Variants in RTTN observed in about 807,000 individuals in gnomAD.
RTTN encodes rotatin.
Under a neutral mutation model 269.2 loss-of-function variants are expected in RTTN, and 182 were observed. That is an observed-to-expected ratio of 0.68 (90% CI 0.60 to 0.76). The LOEUF (loss-of-function observed/expected upper bound fraction) is 0.76, where lower values mean the gene tolerates loss of function less well. Ranked by LOEUF, RTTN falls within the 30% of genes least tolerant of loss-of-function variation. The probability of loss-of-function intolerance (pLI) is 0.00; values close to 1 mark genes in which losing one functional copy is unlikely to be tolerated. For synonymous variants in RTTN, 1,006 were observed against 963.5 expected (o/e 1.04, Z -0.82); for missense variants, 2,545 against 2,608.6 (o/e 0.98, Z 0.53).
At chr18:70,020,920 A>G in intron 44 of RTTN, 103 bp from the exon 45 acceptor site, 1 of 935,756 alleles carries the variant, frequency 1.1e-6, no homozygotes, top group Non-Finnish European at 1.6e-6. Context: ...TGACTAGGCC[A>G]TTAACCTGTG....
At chr18:70,069,137 A>G (rs1269889619) in intron 34 of RTTN, among the ~76,000 whole-genome samples, 2 of 151,440 alleles carry the variant, frequency 1.3e-5, no homozygotes, top group African/African-American at 4.9e-5. Context: ...TAGCATGGTG[A>G]ATATGGTTAA....
intron 11 of RTTN, among the ~76,000 whole-genome samples, chr18:70,171,893 G>A (rs538637934): frequency 3.3e-4 from 51 of 152,288 alleles, no homozygotes; most frequent in African/African-American, 1.2e-3. Flanking sequence ...GAACATTACC[G>A]TTTGAAAAGC....
chr18:70,174,064 G>A (rs962182865), intron 11 of RTTN, among the ~76,000 whole-genome samples: 2 of 151,760 alleles, frequency 1.3e-5, no homozygotes, highest in East Asian at 1.9e-4. Context: ...CTGTTATGGG[G>A]GTGGTCACTT....
chr18:70,049,952 C>T (rs573678057), intron 39 of RTTN, among the ~76,000 whole-genome samples: 2 of 152,178 alleles, frequency 1.3e-5, no homozygotes, highest in Admixed American at 6.5e-5. Flanking sequence ...AAGATGTATC[C>T]ACATACAATG....
chr18:70,087,984 C>T lies in RTTN; in HGVS notation c.4302+5G>A. The T allele has an allele frequency of 6.2e-7, 1 of 1,610,516 alleles. No homozygotes were observed. Among genetic ancestry groups the T allele is most frequent in the African/African-American group, 1.3e-5 (1 of 74,814 alleles). ...AAGGAAAAAAAGGAGAAAAGACAGA[C>T]ATACCTCCCGGCGCACCATACTACA... On this transcript the variant is annotated splice_donor_5th_base_variant and intron_variant, in intron 31 of 48. Coordinates refer to ENST00000640769, the MANE Select transcript of RTTN (RefSeq NM_173630.4).
At chr18:70,191,515 C>T (rs1246717143) in intron 8 of RTTN, among the ~76,000 whole-genome samples, 2 of 152,132 alleles carry the variant, frequency 1.3e-5, no homozygotes, top group African/African-American at 2.4e-5. Context: ...TTAGTACATT[C>T]GACATCATGT....
intron 10 of RTTN, among the ~76,000 whole-genome samples, chr18:70,185,773 G>C (rs981128957): frequency 1.3e-5 from 2 of 151,742 alleles, no homozygotes; most frequent in Non-Finnish European, 1.5e-5. Context: ...GGATCTACCA[G>C]AAAACAAAAC....
In RTTN at chr18:70,004,106, C is replaced by T. The variant is rs774788368; in HGVS notation, c.*45G>A. On this transcript the variant is annotated 3_prime_UTR_variant, in exon 49 of 49. Coordinates refer to ENST00000640769, the MANE Select transcript of RTTN (RefSeq NM_173630.4). Reference sequence around the variant, plus strand: ...ACACAGCTGGCTTCAACTTTAGCTCCCCTGTTGATGACTGTCAGCTTCAAG... The same window carrying T: ...ACACAGCTGGCTTCAACTTTAGCTCTCCTGTTGATGACTGTCAGCTTCAAG... 2.7e-6 allele frequency: 4 copies of T among 1,459,338 alleles called. No homozygotes were observed. Among genetic ancestry groups the T allele is most frequent in the Non-Finnish European group, 3.8e-6 (4 of 1,040,086 alleles). 90.4% of individuals were successfully genotyped at this position (1,459,338 alleles called of 1,614,324 possible).
chr18:70,048,662 T>TA lies in RTTN; in HGVS notation c.5324-475dup, dbSNP rs1291016928. 5.6e-4 allele frequency among the ~76,000 whole-genome samples: 86 copies of TA among 152,334 alleles called. 1 individual carries two copies. The highest frequency in any genetic ancestry group is 2.0e-3 in the African/African-American group (82 of 41,596). On this transcript the variant is annotated intron_variant, in intron 39 of 48. Coordinates refer to ENST00000640769, the MANE Select transcript of RTTN (RefSeq NM_173630.4). ...AATTATAACCATAAAAATTTTTACT[T>TA]AGATTTTGGCTTGTACAAATTAAAG... is the stretch of plus-strand genomic sequence containing the variant.
intron 7 of RTTN, among the ~76,000 whole-genome samples, chr18:70,193,986 A>C (rs1303285467): frequency 2.6e-5 from 4 of 152,248 alleles, no homozygotes; most frequent in African/African-American, 9.6e-5. Flanking sequence ...CATTACAAGA[A>C]AGTGTTAAGA....
chr18:70,175,246 A>C (rs2061261879), intron 11 of RTTN, among the ~76,000 whole-genome samples: 1 of 152,050 alleles, frequency 6.6e-6, no homozygotes, highest in African/African-American at 2.4e-5. Flanking sequence ...AGCTTAAGAA[A>C]AGAAAGGTCT....
intron 26 of RTTN, among the ~76,000 whole-genome samples, chr18:70,120,096 T>G (rs2059697417): frequency 6.6e-6 from 1 of 152,144 alleles, no homozygotes; most frequent in African/African-American, 2.4e-5. Flanking sequence ...AATCCATTCA[T>G]GGATAGTGGA....
intron 28 of RTTN, among the ~76,000 whole-genome samples, chr18:70,098,334 G>A (rs113811727): frequency 3.9e-5 from 6 of 152,186 alleles, no homozygotes; most frequent in African/African-American, 1.4e-4. Context: ...CAAACTAGCA[G>A]AAGACAAGAA....
At chr18:70,162,967 T>C (rs1405506053) in intron 14 of RTTN, among the ~76,000 whole-genome samples, 1 of 126,916 alleles carries the variant, frequency 7.9e-6, no homozygotes, top group African/African-American at 3.0e-5. Flanking sequence ...AAAGAAAAGG[T>C]ATAGACATGA....
chr18:70,067,942 T>C (rs1380785450), intron 34 of RTTN, among the ~76,000 whole-genome samples: 3 of 152,220 alleles, frequency 2.0e-5, no homozygotes, highest in Non-Finnish European at 2.9e-5. Flanking sequence ...AAGATGCTTT[T>C]AGAAAGTACC....
At chr18:70,140,232 T>C (rs774132596) in intron 19 of RTTN, 44 bp from the exon 20 acceptor site, 40 of 1,157,278 alleles carry the variant, frequency 3.5e-5, no homozygotes, top group Admixed American at 1.3e-4. Flanking sequence ...ACATTTTTTG[T>C]AGTTTAAAAC....
rs780861056 is a variant in RTTN at position 70,201,967 on chromosome 18, A to C, written c.414T>G (p.Pro138=). The C allele has an allele frequency of 1.2e-6, 2 of 1,607,166 alleles. No homozygotes were observed. The highest frequency in any genetic ancestry group is 1.7e-6 in the Non-Finnish European group (2 of 1,174,248). ...GGGGAAAATATCCTGTTAAGATTTC[A>C]GGGTTTTTTGACAATTCTGAAAAGG... is the stretch of plus-strand genomic sequence containing the variant. The part of the protein sequence containing the change: ...QTNQTELSKN[P]EILTGYFPQD... Residue 138 remains proline, a synonymous_variant, in exon 4 of 49, where the codon CCT becomes CCG. Coordinates refer to ENST00000640769, the MANE Select transcript of RTTN (RefSeq NM_173630.4).
intron 16 of RTTN, 89 bp downstream of exon 16, chr18:70,149,882 C>T (rs2060492256): frequency 3.3e-6 from 3 of 917,224 alleles, no homozygotes; most frequent in Admixed American, 1.8e-5. Flanking sequence ...TCTCTCACAA[C>T]TTGACAGTTT....
At chr18:70,103,244 C>A (rs563885111) in intron 28 of RTTN, among the ~76,000 whole-genome samples, 5 of 151,908 alleles carry the variant, frequency 3.3e-5, no homozygotes, top group African/African-American at 1.2e-4. Flanking sequence ...TGCAGGGGTA[C>A]CCAACAGCTC....
Sources: allele counts gnomAD v4.1 joint callset (sites outside exome capture counted in the v4.1 genomes callset), GRCh38; gene constraint gnomAD v4.1.1; transcripts MANE v1.5; gene names NCBI Gene and HGNC (gene_info 2026-07-23, HGNC 2026-07-21).